The following EML5 variants were observed in gnomAD, a reference collection of about 807,000 sequenced individuals.
The protein encoded by EML5 is EMAP like 5.
EML5 carries 120 observed loss-of-function variants against 250.0 expected under a neutral mutation model. The ratio of observed to expected loss-of-function variants is 0.48; its 90% CI spans 0.41 to 0.56. The LOEUF (loss-of-function observed/expected upper bound fraction) is 0.56, where lower values mean the gene tolerates loss of function less well. EML5 is among the 20% of genes least tolerant of loss of function. The pLI is 0.00. For synonymous variants in EML5, 771 were observed against 806.5 expected (o/e 0.96, Z 0.75); for missense variants, 2,006 against 2,437.6 (o/e 0.82, Z 3.73).
At chr14:88,683,704 G>A (rs1336793165) in intron 20 of EML5, among the ~76,000 whole-genome samples, 1 of 151,958 alleles carries the variant, frequency 6.6e-6, no homozygotes, top group African/African-American at 2.4e-5. Flanking sequence ...TATATCAACA[G>A]AATTAAAAAT....
intron 14 of EML5, among the ~76,000 whole-genome samples, chr14:88,701,153 C>T (rs956068528): frequency 2.0e-5 from 3 of 152,102 alleles, no homozygotes; most frequent in African/African-American, 4.8e-5. Context: ...CATTTAAAAA[C>T]AGGGTGATTT....
Position 88,669,625 on chromosome 14 carries a change from G to A in EML5, c.3125-4136C>T, listed in dbSNP as rs528964251. ...GAGCTCCTAGAGGGGAGGGGCATCC[G>A]TGGTCTCCATGGATCAGCAGACTTA... is the stretch of plus-strand genomic sequence containing the variant. On this transcript the variant is annotated intron_variant, in intron 21 of 43. Transcript: ENST00000554922. Among the ~76,000 whole-genome samples the A allele has an allele frequency of 8.5e-5, 13 of 152,272 alleles. No homozygotes were observed. In the East Asian group the frequency reaches 2.1e-3, roughly 25 times the overall value.
chr14:88,635,088 TG>T (rs1443904200), intron 32 of EML5, among the ~76,000 whole-genome samples: 69 of 152,338 alleles, frequency 4.5e-4, no homozygotes, highest in Non-Finnish European at 6.8e-4. Context: ...TGAAAGCTCA[TG>T]CTCATTATAT....
rs547970483 is a variant in EML5, at chr14:88,715,134, A to G, written c.1249T>C (p.Ser417Pro). Residue 417 changes from serine to proline, a missense_variant, in exon 9 of 44, where the codon TCA becomes CCA. By Grantham distance (74) the Ser-to-Pro change is moderately conservative. Coordinates refer to ENST00000554922, the MANE Select transcript of EML5 (RefSeq NM_183387.3). ...RKEAIHELKY[S>P]PDGTYLAVGC... is the part of the protein sequence containing the mutation. ...ACAGCAAGGTAAGTTCCATCTGGTG[A>G]ATATTTTAACTCATGAATTGCCTCC... 6.2e-7 allele frequency: 1 copy of G among 1,611,960 alleles called. No individual in the cohort carries two copies. Among genetic ancestry groups the G allele is most frequent in the East Asian group, 2.2e-5 (1 of 44,826 alleles).
chr14:88,726,770 T>C (rs920767767), intron 7 of EML5, 92 bp from the exon 8 acceptor site: 46 of 869,056 alleles, frequency 5.3e-5, no homozygotes, highest in Non-Finnish European at 7.2e-5. Context: ...TTAATTAAGA[T>C]AAATCTAGAT....
intron 33 of EML5, 148 bp from the exon 34 acceptor site, chr14:88,627,967 A>T (rs563549349): frequency 8.5e-6 from 7 of 825,378 alleles, no homozygotes; most frequent in Admixed American, 2.0e-5. Flanking sequence ...AACTAAGGCT[A>T]AATTTAAGAA....
intron 1 of EML5, among the ~76,000 whole-genome samples, chr14:88,783,080 CAAAAAAAAA>C (rs2094513448): frequency 7.1e-6 from 1 of 141,298 alleles, no homozygotes; most frequent in African/African-American, 2.6e-5. Flanking sequence ...GACTCCATGT[CAAAAAAAAA>C]GAAAAAAAAA....
intron 1 of EML5, among the ~76,000 whole-genome samples, chr14:88,766,919 C>T (rs943707335): frequency 2.6e-5 from 4 of 152,100 alleles, no homozygotes; most frequent in African/African-American, 9.7e-5. Context: ...CTGGTTTCCC[C>T]CGATAGCACA....
intron 15 of EML5, 110 bp from the exon 16 acceptor site, chr14:88,695,564 T>A (rs1595555474): frequency 1.3e-5 from 14 of 1,055,960 alleles, no homozygotes; most frequent in South Asian, 1.5e-5. Flanking sequence ...GATAAAATAA[T>A]GTTAAATGTT....
chr14:88,790,202 T>A (rs756735002), intron 1 of EML5, among the ~76,000 whole-genome samples: 1 of 152,240 alleles, frequency 6.6e-6, no homozygotes, highest in Non-Finnish European at 1.5e-5. Flanking sequence ...CAGTATCATA[T>A]TAAATTTGTG....
chr14:88,770,199 G>A (rs924600830), intron 1 of EML5, among the ~76,000 whole-genome samples: 1 of 152,068 alleles, frequency 6.6e-6, no homozygotes, highest in African/African-American at 2.4e-5. Flanking sequence ...CAGAAAGTCT[G>A]GAGAAGAGAT....
intron 21 of EML5, among the ~76,000 whole-genome samples, chr14:88,675,043 A>T (rs900740548): frequency 6.6e-6 from 1 of 152,226 alleles, no homozygotes; most frequent in Non-Finnish European, 1.5e-5. Context: ...TGCAGAGTAT[A>T]GCCCCCTTCC....
intron 26 of EML5, 90 bp from the exon 27 acceptor site, chr14:88,657,592 G>C: frequency 7.8e-7 from 1 of 1,274,188 alleles, no homozygotes; most frequent in African/African-American, 1.5e-5. Context: ...TCAACAATAT[G>C]AAATAAATTA....
intron 14 of EML5, among the ~76,000 whole-genome samples, chr14:88,700,298 CT>C (rs1031413361): frequency 1.1e-4 from 17 of 151,360 alleles, no homozygotes; most frequent in East Asian, 1.9e-4. Context: ...ATCTAAATTT[CT>C]TTTTTTTTAA....
chr14:88,790,454 C>G (rs992437699), intron 1 of EML5, among the ~76,000 whole-genome samples: 1 of 152,148 alleles, frequency 6.6e-6, no homozygotes, highest in Non-Finnish European at 1.5e-5. Flanking sequence ...GAAATTTAAG[C>G]GGTGTGACAT....
intron 8 of EML5, 33 bp from the exon 9 acceptor site, chr14:88,715,228 C>A: frequency 6.5e-7 from 1 of 1,537,548 alleles, no homozygotes; most frequent in South Asian, 1.2e-5. Context: ...ACTACATGAA[C>A]AGAAGTCACA....
chr14:88,664,679 C>T (rs887638123), intron 22 of EML5, 55 bp from the exon 23 acceptor site: 3 of 1,545,092 alleles, frequency 1.9e-6, no homozygotes, highest in Admixed American at 1.9e-5. Context: ...TACTTTTTTA[C>T]ACTCTGCAAC....
At chr14:88,762,513 G>C in intron 1 of EML5, among the ~76,000 whole-genome samples, 1 of 151,226 alleles carries the variant, frequency 6.6e-6, no homozygotes, top group Non-Finnish European at 1.5e-5. Context: ...TCCATCTCGG[G>C]GGAAAAAAAA....
intron 1 of EML5, among the ~76,000 whole-genome samples, chr14:88,764,522 T>C (rs142943829): frequency 1.4e-4 from 22 of 152,310 alleles, no homozygotes; most frequent in African/African-American, 5.0e-4. Flanking sequence ...TAGAAGTTTA[T>C]CAATCTGATC....
Sources: gnomAD v4.1 joint callset for allele counts (sites outside exome capture counted in the v4.1 genomes callset) on GRCh38, gnomAD v4.1.1 for gene constraint, MANE v1.5 for transcripts, NCBI Gene and HGNC (gene_info 2026-07-23, HGNC 2026-07-21) for gene names.